The following ACO2 variants were observed in gnomAD, a reference collection of about 807,000 sequenced individuals.
The protein encoded by ACO2 is aconitate hydratase, mitochondrial.
ACO2 carries 31 observed loss-of-function variants against 84.5 expected under a neutral mutation model. The observed-to-expected ratio is 0.37, with a 90% CI of 0.28 to 0.50. The LOEUF is 0.50. ACO2 is among the 20% of genes least tolerant of loss of function. The probability of loss-of-function intolerance (pLI) is 0.97; values close to 1 mark genes in which losing one functional copy is unlikely to be tolerated. For missense variants in ACO2, 685 were observed against 1,029.3 expected, an observed-to-expected ratio of 0.67 and a Z score of 4.58; for synonymous variants, 414 against 412.7, an observed-to-expected ratio of 1.00 and a Z score of -0.04.
At chr22:41,489,447 A>G (rs1030214838) in intron 1 of ACO2, among the ~76,000 whole-genome samples, 4 of 152,178 alleles carry the variant, frequency 2.6e-5, no homozygotes, top group African/African-American at 4.8e-5. Flanking sequence ...AATAAAAAAC[A>G]TACATTGCAT....
At position 41,522,983 on chromosome 22, in the gene ACO2, G is replaced by T. The variant is rs780269429; in HGVS notation, c.1292G>T (p.Gly431Val). 5 of 1,614,018 alleles carry T rather than the reference G, an allele frequency of 3.1e-6. No homozygotes were observed. Among genetic ancestry groups the T allele is most frequent in the Non-Finnish European group, 4.2e-6 (5 of 1,180,018 alleles). ...ATCCGCGCCACCATTGAGCGGGACGGCTATGTGAGTGCCCATATCCCCCTG... is the reference window on the plus strand; with the variant it reads ...ATCCGCGCCACCATTGAGCGGGACGTCTATGTGAGTGCCCATATCCCCCTG... ...EQIRATIERD[G>V]YAQILRDLGG... Residue 431 changes from glycine (G) to valine (V), a missense_variant, in exon 10 of 18, where the codon GGC becomes GTC. Gly to Val is a moderately radical substitution (Grantham distance 109, BLOSUM62 -3). Coordinates refer to ENST00000216254, the MANE Select transcript of ACO2 (RefSeq NM_001098.3).
At chr22:41,513,110 G>A (rs932425282) in intron 4 of ACO2, among the ~76,000 whole-genome samples, 8 of 152,218 alleles carry the variant, frequency 5.3e-5, no homozygotes, top group Non-Finnish European at 1.2e-4. Context: ...CGTTTGCAGC[G>A]GCCTGTGGGG....
At chr22:41,472,727 C>T (rs181147066) in intron 1 of ACO2, among the ~76,000 whole-genome samples, 87 of 152,192 alleles carry the variant, frequency 5.7e-4, no homozygotes, top group African/African-American at 2.0e-3. Context: ...AGATTACAAG[C>T]GTGAGCCACT....
At chr22:41,518,443 G>A in intron 7 of ACO2, 38 bp from the exon 8 acceptor site, 1 of 1,520,568 alleles carries the variant, frequency 6.6e-7, no homozygotes, top group Non-Finnish European at 9.1e-7. Context: ...AACAGTTTAT[G>A]TTTCACGTGC....
chr22:41,506,567 A>G (rs1310301696), intron 2 of ACO2, among the ~76,000 whole-genome samples: 1 of 152,008 alleles, frequency 6.6e-6, no homozygotes, highest in African/African-American at 2.4e-5. Flanking sequence ...TCTGTTTTTT[A>G]TAGAGACAAG....
intron 1 of ACO2, among the ~76,000 whole-genome samples, chr22:41,498,461 G>T (rs1326049090): frequency 4.6e-5 from 7 of 152,222 alleles, no homozygotes; most frequent in Non-Finnish European, 1.0e-4. Flanking sequence ...GAGTGGCTTG[G>T]CTGGGTGGTT....
intron 2 of ACO2, among the ~76,000 whole-genome samples, chr22:41,502,087 G>A (rs2066357531): frequency 6.6e-6 from 1 of 152,142 alleles, no homozygotes; most frequent in Non-Finnish European, 1.5e-5. Context: ...TGTATTGAGT[G>A]ACTGACCCCA....
In ACO2 at chr22:41,508,023, G is replaced by C; in HGVS notation, c.406G>C (p.Gly136Arg). 6.2e-7 allele frequency: 1 copy of C among 1,613,160 alleles called. No individual in the cohort carries two copies. Among genetic ancestry groups the C allele is most frequent in the Non-Finnish European group, 8.5e-7 (1 of 1,179,156 alleles). The part of the protein sequence containing the change: ...CDHLIEAQVG[G>R]EKDLRRAKDI... ...CCATCTGATTGAAGCCCAGGTTGGG[G>C]GCGAGAAAGACCTGCGCCGGGCCAA... is the stretch of plus-strand genomic sequence containing the variant. The change falls in exon 3 of 18, where the codon GGC becomes CGC. Residue 136 changes from glycine (G) to arginine (R), a missense_variant. Physicochemically the swap from Gly to Arg is moderately radical, Grantham distance 125. This residue lies in a region of ACO2 where 92 missense variants were observed against 203.7 expected (regional missense o/e 0.45). Coordinates refer to ENST00000216254, the MANE Select transcript of ACO2 (RefSeq NM_001098.3).
intron 16 of ACO2, 179 bp from the exon 17 acceptor site, chr22:41,527,722 G>T: frequency 9.9e-7 from 1 of 1,009,620 alleles, no homozygotes; most frequent in Non-Finnish European, 1.4e-6. Flanking sequence ...CAGCACCAGC[G>T]CACACTTGCT....
chr22:41,494,320 G>A (rs1324608337), intron 1 of ACO2, among the ~76,000 whole-genome samples: 3 of 152,058 alleles, frequency 2.0e-5, no homozygotes, highest in African/African-American at 7.2e-5. Context: ...TGAAGATTAG[G>A]CCATGTAATA....
chr22:41,485,674 A>C (rs1238362774), intron 1 of ACO2, among the ~76,000 whole-genome samples: 2 of 150,904 alleles, frequency 1.3e-5, no homozygotes, highest in Non-Finnish European at 3.0e-5. Flanking sequence ...CGATCTCCTG[A>C]CCTTGTGATC....
At chr22:41,522,377 A>G (rs1417043561) in intron 9 of ACO2, among the ~76,000 whole-genome samples, 1 of 152,190 alleles carries the variant, frequency 6.6e-6, no homozygotes, top group South Asian at 2.1e-4. Flanking sequence ...AGAAAGTGCG[A>G]TGTTATTCAG....
chr22:41,478,759 A>ACCT (rs1569000781), intron 1 of ACO2, among the ~76,000 whole-genome samples: 2 of 142,274 alleles, frequency 1.4e-5, no homozygotes, highest in Admixed American at 7.0e-5. Context: ...CCTGCCACAT[A>ACCT]TCTTCTTTTT....
At chr22:41,527,611 C>A in intron 16 of ACO2, 191 bp downstream of exon 16, 1 of 883,064 alleles carries the variant, frequency 1.1e-6, no homozygotes, top group Non-Finnish European at 1.7e-6. Flanking sequence ...TTCCCGCAGG[C>A]CCTGCTTCCA....
intron 3 of ACO2, among the ~76,000 whole-genome samples, chr22:41,511,187 T>C (rs2066430517): frequency 6.6e-6 from 1 of 152,174 alleles, no homozygotes; most frequent in African/African-American, 2.4e-5. Context: ...CTTATTTTTA[T>C]TTTTTGAGAC....
At chr22:41,521,590 A>G (rs1326719646) in intron 9 of ACO2, 3 of 152,244 alleles carry the variant, frequency 2.0e-5, no homozygotes, top group Admixed American at 6.5e-5. Context: ...AGAAGTGACA[A>G]TATGTGAAAA....
At chr22:41,473,099 T>G (rs1255006062) in intron 1 of ACO2, among the ~76,000 whole-genome samples, 2 of 152,234 alleles carry the variant, frequency 1.3e-5, no homozygotes, top group African/African-American at 4.8e-5. Flanking sequence ...ATTGAGTGAA[T>G]GAATTGGTAA....
rs769434569 is a variant in ACO2 at position 41,507,783 on chromosome 22, C to T, written c.174-8C>T. 1 of 1,611,784 alleles carries T rather than the reference C, an allele frequency of 6.2e-7. No individual in the cohort carries two copies. The highest frequency in any genetic ancestry group is 1.7e-5 in the Admixed American group (1 of 59,882). ...CACCAGGCCACCCTTCTGCTCTTCT[C>T]CCCACAGACTGAACCGGCCGCTGAC... On this transcript the variant is annotated splice_polypyrimidine_tract_variant and splice_region_variant and intron_variant, in intron 2 of 17. Coordinates refer to ENST00000216254, the MANE Select transcript of ACO2 (RefSeq NM_001098.3).
intron 6 of ACO2, 90 bp downstream of exon 6, chr22:41,516,007 C>G: frequency 1.3e-6 from 2 of 1,494,446 alleles, no homozygotes; most frequent in Non-Finnish European, 1.8e-6. Flanking sequence ...ATGGCCTTCA[C>G]TTGAGAATCT....
Sources: gnomAD v4.1 joint callset for allele counts (sites outside exome capture counted in the v4.1 genomes callset) on GRCh38, gnomAD v4.1.1 for gene constraint, gnomAD v4.1.1 regional missense constraint, MANE v1.5 for transcripts, NCBI Gene and HGNC (gene_info 2026-07-23, HGNC 2026-07-21) for gene names.